Variants in RABGEF1 observed in about 807,000 individuals in gnomAD.
RABGEF1 encodes RAB guanine nucleotide exchange factor 1.
In RABGEF1, 26 loss-of-function variants were observed where a neutral mutation model predicts 57.3. That is an observed-to-expected ratio of 0.45 (90% confidence interval 0.33 to 0.63). The LOEUF is 0.63. RABGEF1 is among the 20% of genes least tolerant of loss of function. The pLI is 0.02. For synonymous variants in RABGEF1, 185 were observed against 210.7 expected (o/e 0.88, Z 1.06); for missense variants, 464 against 607.6 (o/e 0.76, Z 2.48).
chr7:66,746,802 G>C (rs201980062), intron 1 of RABGEF1, among the ~76,000 whole-genome samples: 1 of 133,804 alleles, frequency 7.5e-6, no homozygotes, highest in African/African-American at 2.7e-5. Context: ...TTTTTTTTTT[G>C]CTGGAGTGAG....
chr7:66,737,005 TTA>T (rs1451693986), upstream of RABGEF1, among the ~76,000 whole-genome samples: 1 of 151,648 alleles, frequency 6.6e-6, no homozygotes, highest in African/African-American at 2.4e-5. Flanking sequence ...TCCACTGCTC[TTA>T]CTTGATGTGG....
At chr7:66,659,122 C>G in the RABGEF1 span, among the ~76,000 whole-genome samples, 1 of 152,104 alleles carries the variant, frequency 6.6e-6, no homozygotes, top group Non-Finnish European at 1.5e-5. Context: ...AACAACTGAC[C>G]AATATTGCTT....
chr7:66,738,665 G>T (rs1341617873), upstream of RABGEF1, among the ~76,000 whole-genome samples: 1 of 151,178 alleles, frequency 6.6e-6, no homozygotes, highest in Admixed American at 6.6e-5. Context: ...CAGGGAGTTG[G>T]AGGCTGGAGT....
intron 2 of RABGEF1, among the ~76,000 whole-genome samples, chr7:66,725,310 T>C (rs538611933): frequency 6.6e-6 from 1 of 152,300 alleles, no homozygotes; most frequent in Admixed American, 6.5e-5. Context: ...TACAATATTT[T>C]CCTTATCCCT....
the RABGEF1 span, among the ~76,000 whole-genome samples, chr7:66,664,465 C>T: frequency 6.6e-6 from 1 of 151,358 alleles, no homozygotes; most frequent in African/African-American, 2.4e-5. Flanking sequence ...TAGTGGAGTG[C>T]CCCTGTAGTC....
At chr7:66,695,215 G>A (rs1792139522) in intron 1 of RABGEF1, among the ~76,000 whole-genome samples, 1 of 152,126 alleles carries the variant, frequency 6.6e-6, no homozygotes, top group Non-Finnish European at 1.5e-5. Context: ...AGGAGGCTGA[G>A]GTAGGTCAAT....
intron 2 of RABGEF1, among the ~76,000 whole-genome samples, chr7:66,731,449 G>A (rs887942139): frequency 6.6e-6 from 1 of 152,166 alleles, no homozygotes; most frequent in African/African-American, 2.4e-5. Flanking sequence ...GTGCATGATG[G>A]CTCACACCTG....
intron 1 of RABGEF1, among the ~76,000 whole-genome samples, chr7:66,686,614 G>A (rs1251740119): frequency 1.3e-5 from 2 of 152,084 alleles, no homozygotes; most frequent in African/African-American, 4.8e-5. Flanking sequence ...GTTATAATAC[G>A]TAAACATGTG....
chr7:66,778,283 A>G (rs1176058786), intron 3 of RABGEF1, among the ~76,000 whole-genome samples: 2 of 152,210 alleles, frequency 1.3e-5, no homozygotes, highest in Non-Finnish European at 2.9e-5. Flanking sequence ...GCAGCTTGGT[A>G]GCAGACAAAA....
intron 1 of RABGEF1, among the ~76,000 whole-genome samples, chr7:66,703,215 G>A (rs963671593): frequency 8.5e-5 from 13 of 152,056 alleles, no homozygotes; most frequent in Admixed American, 3.3e-4. Context: ...CCTCGTGCCC[G>A]CCCGCCTTGG....
chr7:66,698,386 A>G (rs2117216815), intron 1 of RABGEF1, among the ~76,000 whole-genome samples: 1 of 152,258 alleles, frequency 6.6e-6, no homozygotes, highest in Admixed American at 6.5e-5. Flanking sequence ...GGATCATCAA[A>G]GTGGGCAGCC....
At position 66,752,493 on chromosome 7, in the gene RABGEF1, TA is replaced by T. The variant is rs368452742; in HGVS notation, c.-18+11716del. Among the ~76,000 whole-genome samples the T allele has an allele frequency of 8.0e-3, 1,096 of 136,960 alleles. 6 individuals are homozygous for T. The highest frequency in any genetic ancestry group is 0.053 in the East Asian group (258 of 4,842). 89.9% of individuals were successfully genotyped at this position (136,960 alleles called of 152,430 possible). On this transcript the variant is annotated intron_variant, in intron 1 of 8. Transcript: ENST00000284957. ...TGGGGAACAAGAGTGAAACTCCGTCTAAAAAAAAAAAAAAAGTCTTGATTTT... is the reference window on the plus strand; with the variant it reads ...TGGGGAACAAGAGTGAAACTCCGTCTAAAAAAAAAAAAAAGTCTTGATTTT...
At chr7:66,678,553 A>G (rs1383507841), upstream of RABGEF1, among the ~76,000 whole-genome samples, 3 of 123,578 alleles carry the variant, frequency 2.4e-5, no homozygotes, top group Non-Finnish European at 4.8e-5. Flanking sequence ...TGACAGAGTG[A>G]GAGTCCGTCT....
chr7:66,719,343 T>C (rs1449160578), intron 2 of RABGEF1, among the ~76,000 whole-genome samples: 2 of 152,122 alleles, frequency 1.3e-5, no homozygotes, highest in Non-Finnish European at 1.5e-5. Flanking sequence ...TTGGGAACCA[T>C]AGGTGCACGC....
chr7:66,717,289 A>C (rs1282812862), intron 2 of RABGEF1, among the ~76,000 whole-genome samples: 3 of 152,224 alleles, frequency 2.0e-5, no homozygotes, highest in Non-Finnish European at 4.4e-5. Context: ...TGTAAAATGT[A>C]GGAACCTGGC....
intron 3 of RABGEF1, among the ~76,000 whole-genome samples, chr7:66,777,462 T>C (rs1808824357): frequency 6.6e-6 from 1 of 151,600 alleles, no homozygotes; most frequent in African/African-American, 2.4e-5. Context: ...ATAAATAATA[T>C]ATATATATGA....
At chr7:66,772,622 C>T (rs370153870) in intron 2 of RABGEF1, among the ~76,000 whole-genome samples, 1 of 151,876 alleles carries the variant, frequency 6.6e-6, no homozygotes, top group Non-Finnish European at 1.5e-5. Flanking sequence ...AAAAATTAAA[C>T]GATGGGCCGG....
chr7:66,662,994 C>T, the RABGEF1 span, among the ~76,000 whole-genome samples: 1 of 152,186 alleles, frequency 6.6e-6, no homozygotes, highest in African/African-American at 2.4e-5. Context: ...GCCCTAACGC[C>T]CAAGCTGGAA....
At chr7:66,808,418 G>A (rs1444549371) in intron 8 of RABGEF1, among the ~76,000 whole-genome samples, 5 of 152,112 alleles carry the variant, frequency 3.3e-5, no homozygotes, top group Non-Finnish European at 5.9e-5. Context: ...GTTTCACCAT[G>A]TTGGCCAGGC....
Sources: allele counts gnomAD v4.1 joint callset (sites outside exome capture counted in the v4.1 genomes callset), GRCh38; gene constraint gnomAD v4.1.1; transcripts MANE v1.5; gene names NCBI Gene and HGNC (gene_info 2026-07-23, HGNC 2026-07-21).